Variants in ARHGEF37 observed in about 807,000 individuals in gnomAD.
ARHGEF37 encodes the protein Rho guanine nucleotide exchange factor (GEF) 37.
Under a neutral mutation model 71.1 loss-of-function variants are expected in ARHGEF37, and 55 were observed. That is an observed-to-expected ratio of 0.77 (90% CI 0.62 to 0.97). The LOEUF is 0.97. Among genes scored for constraint, ARHGEF37 ranks in the 50% least tolerant of loss-of-function variants. The pLI is 0.00. For synonymous variants in ARHGEF37, 327 were observed against 350.6 expected (o/e 0.93, Z 0.75); for missense variants, 765 against 836.8 (o/e 0.91, Z 1.06).
Position 149,632,257 on chromosome 5 carries a change from G to A in ARHGEF37, c.*66G>A. On this transcript the variant is annotated 3_prime_UTR_variant, in exon 13 of 13. Transcript: ENST00000333677. The stretch of plus-strand genomic sequence containing the variant: ...GGCTTAGAGGCTCTGACCCTGGGGG[G>A]AAAAGAAGCAAAGGAAAGGTGGAGG... The A allele has an allele frequency of 6.4e-7, 1 of 1,553,380 alleles. No homozygotes were observed. The highest frequency in any genetic ancestry group is 8.8e-7 in the Non-Finnish European group (1 of 1,139,346).
intron 3 of ARHGEF37, among the ~76,000 whole-genome samples, chr5:149,607,953 A>G (rs1763963395): frequency 6.6e-6 from 1 of 151,784 alleles, no homozygotes; most frequent in Admixed American, 6.6e-5. Flanking sequence ...TATTTTTAGT[A>G]GAGACGGGAT....
chr5:149,620,377 C>G lies in ARHGEF37; in HGVS notation c.918C>G (p.His306Gln). ...NLQAFLYFRP[H>Q]EYNLDIPEGP... The stretch of plus-strand genomic sequence containing the variant: ...AGGCTTTCCTCTACTTCAGGCCGCA[C>G]GAATACAATCTGGACATCCCCGAGG... The change falls in exon 8 of 13, where the codon CAC (histidine) becomes CAG (glutamine). Residue 306 changes from histidine (H) to glutamine (Q), a missense_variant. Coordinates refer to ENST00000333677, the MANE Select transcript of ARHGEF37 (RefSeq NM_001001669.3). 6.2e-7 allele frequency: 1 copy of G among 1,611,868 alleles called. No homozygotes were observed. The highest frequency in any genetic ancestry group is 8.5e-7 in the Non-Finnish European group (1 of 1,179,044).
intron 1 of ARHGEF37, among the ~76,000 whole-genome samples, chr5:149,584,340 T>C (rs1270868588): frequency 6.6e-6 from 1 of 150,818 alleles, no homozygotes. Flanking sequence ...CATGTATTTA[T>C]AAAGGGGAGT....
At chr5:149,612,328 C>T (rs909419969) in intron 4 of ARHGEF37, among the ~76,000 whole-genome samples, 4 of 152,082 alleles carry the variant, frequency 2.6e-5, no homozygotes, top group Non-Finnish European at 4.4e-5. Context: ...CCACCACGCC[C>T]GGCTAATTTT....
chr5:149,614,671 C>T (rs1428552203), intron 4 of ARHGEF37, among the ~76,000 whole-genome samples: 1 of 152,176 alleles, frequency 6.6e-6, no homozygotes, highest in Non-Finnish European at 1.5e-5. Context: ...CCCCTGCCCA[C>T]AGTCAGCCAA....
chr5:149,594,109 G>A (rs996067736), intron 1 of ARHGEF37, among the ~76,000 whole-genome samples: 1 of 152,118 alleles, frequency 6.6e-6, no homozygotes, highest in Non-Finnish European at 1.5e-5. Context: ...TAACAATGAG[G>A]TTTTTCCATT....
intron 3 of ARHGEF37, among the ~76,000 whole-genome samples, chr5:149,605,196 C>A (rs1580913416): frequency 6.9e-6 from 1 of 143,920 alleles, no homozygotes; most frequent in East Asian, 2.0e-4. Context: ...CACTGCACTG[C>A]AGCCTGGGCA....
chr5:149,615,380 A>AT (rs1020500801), intron 4 of ARHGEF37, among the ~76,000 whole-genome samples: 42 of 150,832 alleles, frequency 2.8e-4, no homozygotes, highest in Admixed American at 6.6e-4. Context: ...TCAAGCAATC[A>AT]TTTTTTTTAA....
At position 149,631,907 on chromosome 5, in the gene ARHGEF37, T is replaced by A. The variant is rs932165873; in HGVS notation, c.1819-75T>A. ...GAGAGCCAGGTGGATGGGAACAGGA[T>A]AAACAGCCTCTCTGGATCCAGTCTG... is the stretch of plus-strand genomic sequence containing the variant. On this transcript the variant is annotated intron_variant, in intron 12 of 12. Transcript: ENST00000333677. 4.0e-6 allele frequency: 6 copies of A among 1,502,204 alleles called. No individual in the cohort carries two copies. In the African/African-American group the frequency reaches 8.3e-5, roughly 21 times the overall value. The allele number at this position is 1,502,204 out of a possible 1,614,324, so 93.1% of individuals were successfully genotyped here. A position where few individuals can be genotyped will look rare whatever the true frequency, so the allele number is the denominator to read the frequency against.
At chr5:149,598,554 T>C (rs533181372) in intron 2 of ARHGEF37, among the ~76,000 whole-genome samples, 15 of 151,408 alleles carry the variant, frequency 9.9e-5, no homozygotes, top group Admixed American at 4.0e-4. Flanking sequence ...ACAAAGTCAC[T>C]GTCAGCGACT....
chr5:149,613,307 GAC>G (rs2113351964), intron 4 of ARHGEF37, among the ~76,000 whole-genome samples: 1 of 151,646 alleles, frequency 6.6e-6, no homozygotes, highest in Non-Finnish European at 1.5e-5. Flanking sequence ...TAGATAGAGA[GAC>G]ACATAGATGG....
chr5:149,624,573 A>G (rs1752627518), intron 10 of ARHGEF37, among the ~76,000 whole-genome samples: 1 of 152,222 alleles, frequency 6.6e-6, no homozygotes, highest in South Asian at 2.1e-4. Flanking sequence ...CAAGAGTTCG[A>G]GACCAGCCTG....
intron 1 of ARHGEF37, among the ~76,000 whole-genome samples, chr5:149,591,613 T>C (rs181171077): frequency 6.6e-6 from 1 of 152,344 alleles, no homozygotes; most frequent in Admixed American, 6.5e-5. Flanking sequence ...ACTTAAGCTA[T>C]ATAGACAGTC....
intron 4 of ARHGEF37, among the ~76,000 whole-genome samples, chr5:149,610,074 A>T (rs1764034088): frequency 6.6e-6 from 1 of 152,242 alleles, no homozygotes; most frequent in African/African-American, 2.4e-5. Flanking sequence ...CAGAAATAAT[A>T]TTAATCACTT....
At chr5:149,553,969 A>AC (rs1391226258) in intron 1 of ARHGEF37, among the ~76,000 whole-genome samples, 1 of 151,444 alleles carries the variant, frequency 6.6e-6, no homozygotes, top group Non-Finnish European at 1.5e-5. Context: ...GGAGTTCGAG[A>AC]CCATCCTGGC....
chr5:149,612,745 C>A (rs1374463269), intron 4 of ARHGEF37, among the ~76,000 whole-genome samples: 1 of 152,230 alleles, frequency 6.6e-6, no homozygotes, highest in Non-Finnish European at 1.5e-5. Context: ...CCTGTCCCTG[C>A]CCGTTAAATG....
chr5:149,629,402 G>A (rs145010060), intron 12 of ARHGEF37, among the ~76,000 whole-genome samples: 14 of 152,322 alleles, frequency 9.2e-5, no homozygotes, highest in Non-Finnish European at 1.9e-4. Flanking sequence ...TAATAGCAGA[G>A]GTAAGTACCA....
intron 1 of ARHGEF37, among the ~76,000 whole-genome samples, chr5:149,568,585 G>A (rs1762925389): frequency 6.6e-6 from 1 of 151,944 alleles, no homozygotes; most frequent in Non-Finnish European, 1.5e-5. Flanking sequence ...CCAGCATTTT[G>A]AGAGGCCTGA....
Position 149,624,070 on chromosome 5 carries a change from G to A in ARHGEF37, c.1394G>A (p.Gly465Asp). 3.7e-6 allele frequency: 6 copies of A among 1,612,058 alleles called. No homozygotes were observed. The highest frequency in any genetic ancestry group is 1.7e-5 in the Admixed American group (1 of 59,986). ...AGGAAGCTGGTGGAGGACGCACTGG[G>A]CCGGACGAGTAACCAGCTTCGCTCC... is the stretch of plus-strand genomic sequence containing the variant. Reference protein sequence around the residue: ...AFRKLVEDALGRTSNQLRSFQ... With the variant: ...AFRKLVEDALDRTSNQLRSFQ... The change falls in exon 10 of 13, where the codon GGC becomes GAC. Residue 465 changes from glycine to aspartate, a missense_variant. Around this residue, in one of 5 missense-constraint regions of ARHGEF37, gnomAD observed 390 missense variants for 407.4 expected, o/e 0.96. Coordinates refer to ENST00000333677, the MANE Select transcript of ARHGEF37 (RefSeq NM_001001669.3).
Sources: gnomAD v4.1 joint callset for allele counts (sites outside exome capture counted in the v4.1 genomes callset) on GRCh38, gnomAD v4.1.1 for gene constraint, gnomAD v4.1.1 regional missense constraint, MANE v1.5 for transcripts, NCBI Gene and HGNC (gene_info 2026-07-23, HGNC 2026-07-21) for gene names.